PGBD5: variants seen among roughly 807,000 people sequenced by gnomAD.
PGBD5 encodes piggyBac transposable element derived 5, also known as piggyBac transposable element-derived protein 5.
A neutral mutation model predicts 47.9 loss-of-function variants in PGBD5; 14 were observed. The observed-to-expected ratio is 0.29, with a 90% CI of 0.19 to 0.46. The LOEUF (loss-of-function observed/expected upper bound fraction) is 0.46. Ranked by LOEUF, PGBD5 falls within the 20% of genes least tolerant of loss-of-function variation. The pLI, the probability that PGBD5 is intolerant of heterozygous loss-of-function variation, is 1.00. For synonymous variants in PGBD5, 316 were observed against 306.3 expected, an observed-to-expected ratio of 1.03 and a Z score of -0.33; for missense variants, 635 against 716.0, an observed-to-expected ratio of 0.89 and a Z score of 1.29.
At chr1:230,368,175 G>C in intron 1 of PGBD5, 1 of 1,363,586 alleles carries the variant, frequency 7.3e-7, no homozygotes, top group Non-Finnish European at 9.8e-7. Context: ...GGAGGAGAGA[G>C]AAGGCTTGGG....
chr1:230,423,735 C>T (rs982491705), intron 1 of PGBD5, among the ~76,000 whole-genome samples: 1 of 152,154 alleles, frequency 6.6e-6, no homozygotes, highest in Non-Finnish European at 1.5e-5. Context: ...CAAGCTCCCA[C>T]ACAGGGCAGG....
intron 1 of PGBD5, among the ~76,000 whole-genome samples, chr1:230,363,699 CAA>C (rs1335097505): frequency 6.6e-6 from 1 of 152,064 alleles, no homozygotes; most frequent in Non-Finnish European, 1.5e-5. Flanking sequence ...TTTTTTGGTG[CAA>C]ACTGTCAGCC....
At chr1:230,377,619 C>T (rs1367930925) in intron 1 of PGBD5, 1 of 1,526,976 alleles carries the variant, frequency 6.5e-7, no homozygotes, top group East Asian at 2.4e-5. Context: ...TGTAGTCAGG[C>T]ATATCTGACC....
chr1:230,341,435 G>A (rs970834828), intron 3 of PGBD5, among the ~76,000 whole-genome samples: 5 of 152,176 alleles, frequency 3.3e-5, no homozygotes, highest in Admixed American at 3.3e-4. Context: ...TCCATGCTCT[G>A]TTGCTACAAA....
intron 1 of PGBD5, among the ~76,000 whole-genome samples, chr1:230,372,062 T>A (rs777063908): frequency 1.1e-4 from 16 of 152,116 alleles, no homozygotes; most frequent in Non-Finnish European, 2.1e-4. Flanking sequence ...TCCAATACAG[T>A]GCAAGTGATA....
At chr1:230,334,239 C>G (rs886397100) in intron 4 of PGBD5, among the ~76,000 whole-genome samples, 9 of 152,158 alleles carry the variant, frequency 5.9e-5, no homozygotes, top group African/African-American at 2.2e-4. Flanking sequence ...AGCTGCTGCT[C>G]GCAGCTCCAT....
chr1:230,347,599 C>A lies in PGBD5; in HGVS notation c.894+3359G>T, dbSNP rs559705965. Among the ~76,000 whole-genome samples the A allele has an allele frequency of 2.1e-4, 32 of 151,556 alleles. No homozygotes were observed. The South Asian group carries it at 6.7e-3, about 32-fold the overall frequency. On this transcript the variant is annotated intron_variant, in intron 3 of 6. Coordinates refer to ENST00000391860, the MANE Select transcript of PGBD5 (RefSeq NM_001258311.2). ...GGTTCAAGCAATTCTCCTGCCTCAG[C>A]CTCCCAAGTATCTGGGATTACAGGC...
intron 1 of PGBD5, among the ~76,000 whole-genome samples, chr1:230,422,103 C>A (rs1475374833): frequency 6.6e-6 from 1 of 152,012 alleles, no homozygotes; most frequent in Admixed American, 6.6e-5. Context: ...CACACACATA[C>A]ACACACACAA....
At position 230,357,247 on chromosome 1, in the gene PGBD5, T is replaced by C; in HGVS notation, c.406A>G (p.Lys136Glu). The C allele has an allele frequency of 1.2e-6, 2 of 1,614,068 alleles. No individual in the cohort carries two copies. Residue 136 changes from lysine to glutamate, a missense_variant, in exon 2 of 7, where the codon AAG becomes GAG. By Grantham distance (56) the Lys-to-Glu change is moderately conservative. Coordinates refer to ENST00000391860, the MANE Select transcript of PGBD5 (RefSeq NM_001258311.2). The surrounding 1 kb of genome is among the most constrained non-coding windows in gnomAD (Gnocchi z 5.7). ...ATGTTTGTCTGCACCACCATGTTCT[T>C]GAGGACGTTGTCTGGGACAAAGAGC... is the stretch of plus-strand genomic sequence containing the variant. ...FQLFVPDNVLKNMVVQTNMYA... is the reference protein window; with the variant it reads ...FQLFVPDNVLENMVVQTNMYA...
chr1:230,314,936 C>T lies in PGBD5; in HGVS notation c.*8489G>A, dbSNP rs527921874. The T allele has an allele frequency of 2.0e-5, 3 of 152,034 alleles. No homozygotes were observed. The highest frequency in any genetic ancestry group is 2.9e-5 in the Non-Finnish European group (2 of 68,020). 9.4% of individuals were successfully genotyped at this position (152,034 alleles called of 1,614,324 possible). A position where few individuals can be genotyped will look rare whatever the true frequency, so the allele number is the denominator to read the frequency against. ...ACACGGATTTCCTCATCATCAATGG[C>T]GGCTCTCCTGAACTAGGGATGAGTG... On this transcript the variant is annotated 3_prime_UTR_variant, in exon 7 of 7. Coordinates refer to ENST00000391860, the MANE Select transcript of PGBD5 (RefSeq NM_001258311.2).
chr1:230,340,192 C>G (rs1455524145), intron 3 of PGBD5, among the ~76,000 whole-genome samples: 1 of 152,052 alleles, frequency 6.6e-6, no homozygotes, highest in Non-Finnish European at 1.5e-5. Context: ...TTTAGGAATT[C>G]AATCCAAGGT....
rs575078733 is a variant in PGBD5, at chr1:230,363,856, G to C, written c.332-6535C>G. ...CCACAAAAATATTCCTATCATTTGA[G>C]ACACAAAGTTACACTCCCTAAAAGG... On this transcript the variant is annotated intron_variant, in intron 1 of 6. Coordinates refer to ENST00000391860, the MANE Select transcript of PGBD5 (RefSeq NM_001258311.2). Among the ~76,000 whole-genome samples the C allele has an allele frequency of 8.5e-5, 13 of 152,274 alleles. No individual in the cohort carries two copies. The South Asian group carries it at 2.7e-3, about 32-fold the overall frequency.
chr1:230,380,466 TGTG>T (rs1311910861), intron 1 of PGBD5, among the ~76,000 whole-genome samples: 1 of 152,182 alleles, frequency 6.6e-6, no homozygotes, highest in Non-Finnish European at 1.5e-5. Context: ...GCTGGTCACT[TGTG>T]GTGGAAACTG....
At chr1:230,363,970 C>T (rs150676925) in intron 1 of PGBD5, among the ~76,000 whole-genome samples, 2 of 152,202 alleles carry the variant, frequency 1.3e-5, no homozygotes, top group Admixed American at 6.5e-5. Context: ...CCATTTCTCT[C>T]GCATCCCTTT....
chr1:230,329,869 C>G (rs1315021668), intron 5 of PGBD5, among the ~76,000 whole-genome samples: 1 of 152,226 alleles, frequency 6.6e-6, no homozygotes, highest in Non-Finnish European at 1.5e-5. Flanking sequence ...CACCATAAAA[C>G]AGCCAGGTGA....
At chr1:230,407,706 G>C (rs1657328218) in intron 1 of PGBD5, among the ~76,000 whole-genome samples, 1 of 152,154 alleles carries the variant, frequency 6.6e-6, no homozygotes, top group African/African-American at 2.4e-5. Context: ...GATGCAGACA[G>C]AAGTTCAAAA....
chr1:230,361,444 G>A (rs1558199629), intron 1 of PGBD5, among the ~76,000 whole-genome samples: 1 of 152,034 alleles, frequency 6.6e-6, no homozygotes, highest in African/African-American at 2.4e-5. Context: ...ATACTGCCAT[G>A]TCCTTTCCTT....
At position 230,335,624 on chromosome 1, in the gene PGBD5, T is replaced by C. The variant is rs1471373963; in HGVS notation, c.1075+1484A>G. Among the ~76,000 whole-genome samples the C allele has an allele frequency of 2.9e-5, 2 of 69,514 alleles. 1 individual carries two copies. The highest frequency in any genetic ancestry group is 6.6e-5 in the Non-Finnish European group (2 of 30,418). The allele number at this position is 69,514 out of a possible 152,430, so 45.6% of individuals were successfully genotyped here. A position where few individuals can be genotyped will look rare whatever the true frequency, so the allele number is the denominator to read the frequency against. On this transcript the variant is annotated intron_variant, in intron 4 of 6. Transcript: ENST00000391860. ...ATACAGACACAGACACACACACAGGTACACACACAGACACAAACACAGACG... is the reference window on the plus strand; with the variant it reads ...ATACAGACACAGACACACACACAGGCACACACACAGACACAAACACAGACG...
intron 2 of PGBD5, among the ~76,000 whole-genome samples, chr1:230,351,524 A>G (rs1364962661): frequency 1.3e-5 from 2 of 152,136 alleles, no homozygotes; most frequent in Non-Finnish European, 2.9e-5. Context: ...TCCAACTGCT[A>G]AAAAAGTCTT....
Sources: gnomAD v4.1 joint callset for allele counts (sites outside exome capture counted in the v4.1 genomes callset) on GRCh38, gnomAD v4.1.1 for gene constraint, Gnocchi (gnomAD v3.1) non-coding constraint, MANE v1.5 for transcripts, NCBI Gene and HGNC (gene_info 2026-07-23, HGNC 2026-07-21) for gene names.